The following EFCAB7 variants were observed in gnomAD, a reference collection of about 807,000 sequenced individuals.
The protein encoded by EFCAB7 is EF-hand calcium binding domain 7, also known as EF-hand calcium-binding domain-containing protein 7.
In EFCAB7, 66 loss-of-function variants were observed where a neutral mutation model predicts 77.1. That is an observed-to-expected ratio of 0.86 (90% CI 0.70 to 1.05). The LOEUF is 1.05. Among genes scored for constraint, EFCAB7 ranks in the 50% least tolerant of loss-of-function variants. EFCAB7 has a pLI of 0.00. For synonymous variants in EFCAB7, 225 were observed against 243.3 expected (o/e 0.92, Z 0.70); for missense variants, 638 against 730.5 (o/e 0.87, Z 1.46).
the EFCAB7 span, among the ~76,000 whole-genome samples, chr1:63,579,331 T>A: frequency 6.6e-6 from 1 of 152,260 alleles, no homozygotes; most frequent in East Asian, 1.9e-4. Flanking sequence ...ATGTAACCTT[T>A]TGAGACTGAA....
the EFCAB7 span, among the ~76,000 whole-genome samples, chr1:63,583,655 A>G: frequency 6.6e-6 from 1 of 152,184 alleles, no homozygotes; most frequent in Admixed American, 6.5e-5. Flanking sequence ...GCTATGGATG[A>G]GAACCCCCAA....
At chr1:63,579,008 G>A in the EFCAB7 span, among the ~76,000 whole-genome samples, 1 of 151,810 alleles carries the variant, frequency 6.6e-6, no homozygotes, top group Non-Finnish European at 1.5e-5. Flanking sequence ...ATTTTAAAAC[G>A]AGTACTTTTT....
chr1:63,566,967 T>C (rs902376738), intron 11 of EFCAB7, among the ~76,000 whole-genome samples: 1 of 151,668 alleles, frequency 6.6e-6, no homozygotes, highest in Admixed American at 6.6e-5. Context: ...TCAGACTTCT[T>C]TCTTTTATTT....
chr1:63,546,515 A>C, intron 7 of EFCAB7, among the ~76,000 whole-genome samples: 1 of 151,850 alleles, frequency 6.6e-6, no homozygotes, highest in Non-Finnish European at 1.5e-5. Flanking sequence ...ACAGGTGCAC[A>C]CCACCTCGCC....
intron 1 of EFCAB7, among the ~76,000 whole-genome samples, 194 bp downstream of exon 1, chr1:63,523,828 T>G (rs1646523947): frequency 6.6e-6 from 1 of 152,226 alleles, no homozygotes; most frequent in South Asian, 2.1e-4. Flanking sequence ...AGATTACCTG[T>G]GACGGTATTT....
In EFCAB7 at chr1:63,555,516, GTAA is replaced by G. The variant is rs961549545; in HGVS notation, c.1214+2_1214+4del. 1.7e-5 allele frequency: 27 copies of G among 1,610,128 alleles called. No individual in the cohort carries two copies. The highest frequency in any genetic ancestry group is 2.3e-5 in the Non-Finnish European group (27 of 1,177,754). On this transcript the variant is annotated splice_donor_variant and splice_donor_region_variant and intron_variant, in intron 9 of 13. Coordinates refer to ENST00000371088, the MANE Select transcript of EFCAB7 (RefSeq NM_032437.4). LOFTEE classifies it high-confidence loss of function. ...AATTATTCCTTACAAAGGAATTTAA[GTAA>G]GTTTTGTTTATTAATGTTAGAATTA... is the stretch of plus-strand genomic sequence containing the variant.
At chr1:63,545,141 A>G (rs2100893933) in intron 6 of EFCAB7, among the ~76,000 whole-genome samples, 1 of 149,772 alleles carries the variant, frequency 6.7e-6, no homozygotes, top group South Asian at 2.1e-4. Context: ...CTGGTCTTGA[A>G]CTCCTGATCT....
chr1:63,527,706 T>C (rs1375064029), intron 2 of EFCAB7, among the ~76,000 whole-genome samples: 1 of 152,212 alleles, frequency 6.6e-6, no homozygotes, highest in Non-Finnish European at 1.5e-5. Context: ...TATCAATTTC[T>C]TAGCTATGGG....
At chr1:63,556,576 C>T (rs1647032894) in intron 9 of EFCAB7, among the ~76,000 whole-genome samples, 1 of 152,050 alleles carries the variant, frequency 6.6e-6, no homozygotes, top group Non-Finnish European at 1.5e-5. Flanking sequence ...TCATTGAGTT[C>T]TTACTGTGTG....
intron 11 of EFCAB7, among the ~76,000 whole-genome samples, chr1:63,565,824 T>G (rs899552148): frequency 2.6e-5 from 4 of 152,138 alleles, no homozygotes; most frequent in African/African-American, 9.7e-5. Context: ...CCTGTCCAAA[T>G]GGCTATTATT....
chr1:63,576,073 T>C (rs144314097), downstream of EFCAB7, among the ~76,000 whole-genome samples: 9 of 152,316 alleles, frequency 5.9e-5, no homozygotes, highest in Admixed American at 3.9e-4. Flanking sequence ...AAAAAAGAAC[T>C]GTAATGATTT....
At chr1:63,536,894 G>C (rs1380128626) in intron 6 of EFCAB7, 6 of 152,076 alleles carry the variant, frequency 3.9e-5, no homozygotes, top group Admixed American at 2.6e-4. Context: ...TAATTTTCCA[G>C]ATACTTTAAA....
At chr1:63,558,709 A>G (rs1175196637) in intron 10 of EFCAB7, among the ~76,000 whole-genome samples, 2 of 152,124 alleles carry the variant, frequency 1.3e-5, no homozygotes, top group African/African-American at 4.8e-5. Context: ...CTTTTTTTAC[A>G]CTTAAAGATG....
chr1:63,525,140 G>A (rs1014880699), intron 1 of EFCAB7, among the ~76,000 whole-genome samples: 2 of 152,102 alleles, frequency 1.3e-5, no homozygotes, highest in Non-Finnish European at 2.9e-5. Flanking sequence ...TATTGTATAT[G>A]CTTCACATGT....
In EFCAB7 at chr1:63,568,704, T is replaced by C. The variant is rs967546187; in HGVS notation, c.1707+185T>C. On this transcript the variant is annotated intron_variant, in intron 12 of 13. Transcript: ENST00000371088. ...CTGGGAGTGGTAATTTTTATATGAT[T>C]TTTAAAGGTTTCCAATTTTTTCTCT... The C allele has an allele frequency of 9.1e-5, 38 of 419,102 alleles. No homozygotes were observed. The African/African-American group carries it at 1.2e-3, about 13-fold the overall frequency. The allele number at this position is 419,102 out of a possible 1,614,324, so 26.0% of individuals were successfully genotyped here.
the EFCAB7 span, among the ~76,000 whole-genome samples, chr1:63,579,117 A>G: frequency 1.3e-5 from 2 of 152,108 alleles, no homozygotes; most frequent in East Asian, 1.9e-4. Flanking sequence ...CTATTAATGT[A>G]ACACATGTAT....
chr1:63,574,129 A>T (rs1016294376), downstream of EFCAB7, among the ~76,000 whole-genome samples: 4 of 152,148 alleles, frequency 2.6e-5, no homozygotes, highest in South Asian at 8.3e-4. Context: ...GAGTAAAGTC[A>T]ATTTGCCAGT....
chr1:63,533,677 T>C, intron 5 of EFCAB7, 28 bp downstream of exon 5: 1 of 1,489,554 alleles, frequency 6.7e-7, no homozygotes, highest in South Asian at 1.3e-5. Context: ...TAAGAATTTC[T>C]TGATCAGAAA....
chr1:63,574,886 G>A (rs1434246771), downstream of EFCAB7, among the ~76,000 whole-genome samples: 6 of 152,222 alleles, frequency 3.9e-5, no homozygotes, highest in Non-Finnish European at 5.9e-5. Context: ...TTGCTGAGAG[G>A]TAGTGGAGCG....
Sources: gnomAD v4.1 joint callset for allele counts (sites outside exome capture counted in the v4.1 genomes callset) on GRCh38, gnomAD v4.1.1 for gene constraint, MANE v1.5 for transcripts, NCBI Gene and HGNC (gene_info 2026-07-23, HGNC 2026-07-21) for gene names.